Variants in SRD5A2 observed in about 807,000 individuals in gnomAD.
The protein encoded by SRD5A2 is 3-oxo-5-alpha-steroid 4-dehydrogenase 2.
Under a neutral mutation model 27.4 loss-of-function variants are expected in SRD5A2, and 30 were observed. The ratio of observed to expected loss-of-function variants is 1.10; its 90% confidence interval spans 0.82 to 1.49. The LOEUF is 1.49. Among genes scored for constraint, SRD5A2 ranks in the 40% most tolerant of loss-of-function variants. The pLI is 0.00. For synonymous variants in SRD5A2, 141 were observed against 133.6 expected, an observed-to-expected ratio of 1.06 and a Z score of -0.38; for missense variants, 348 against 323.4, an observed-to-expected ratio of 1.08 and a Z score of -0.58.
chr2:31,578,183 T>C (rs1666998242), intron 1 of SRD5A2, among the ~76,000 whole-genome samples: 1 of 152,092 alleles, frequency 6.6e-6, no homozygotes, highest in African/African-American at 2.4e-5. Flanking sequence ...TAATTATGAG[T>C]ATTTTCTACT....
chr2:31,647,080 G>T, the SRD5A2 span, among the ~76,000 whole-genome samples: 3 of 151,350 alleles, frequency 2.0e-5, no homozygotes, highest in African/African-American at 7.3e-5. Context: ...GAGAGGTGGA[G>T]GTTGCAGTGA....
At chr2:31,576,443 T>A (rs1001116947) in intron 1 of SRD5A2, among the ~76,000 whole-genome samples, 5 of 62,284 alleles carry the variant, frequency 8.0e-5, no homozygotes, top group African/African-American at 2.1e-4. Flanking sequence ...AAAACCACTA[T>A]GAGATATCAT....
chr2:31,566,463 GATC>G lies in SRD5A2; in HGVS notation c.281+14154_281+14156del, dbSNP rs771161107. ...CAATTTCTAAAGCTCTAGTCAAAAAGATCTGGAAAAAAAGTGGAAAATATAAAT... is the reference window on the plus strand; with the variant it reads ...CAATTTCTAAAGCTCTAGTCAAAAAGTGGAAAAAAAGTGGAAAATATAAAT... On this transcript the variant is annotated intron_variant, in intron 1 of 4. Transcript: ENST00000622030. Among the ~76,000 whole-genome samples the G allele has an allele frequency of 2.1e-3, 326 of 152,170 alleles. 2 individuals are homozygous for G. Among genetic ancestry groups the G allele is most frequent in the Middle Eastern group, 3.4e-3 (1 of 294 alleles).
chr2:31,551,535 C>A (rs1477296485), intron 1 of SRD5A2, among the ~76,000 whole-genome samples: 1 of 152,092 alleles, frequency 6.6e-6, no homozygotes, highest in Admixed American at 6.5e-5. Context: ...TAGCACAAAG[C>A]CTATTTTATA....
At chr2:31,536,758 A>G (rs1158484638) in intron 1 of SRD5A2, among the ~76,000 whole-genome samples, 1 of 152,190 alleles carries the variant, frequency 6.6e-6, no homozygotes, top group Non-Finnish European at 1.5e-5. Flanking sequence ...CTATTAGCCC[A>G]AGAGGCTGGC....
chr2:31,561,993 A>T (rs909587488), intron 1 of SRD5A2, among the ~76,000 whole-genome samples: 4 of 152,186 alleles, frequency 2.6e-5, no homozygotes, highest in African/African-American at 9.7e-5. Context: ...AAATCAAGAA[A>T]ATACAAATAT....
chr2:31,580,961 C>G, upstream of SRD5A2: 1 of 1,529,778 alleles, frequency 6.5e-7, no homozygotes, highest in East Asian at 2.3e-5. Flanking sequence ...CCCCCGCAAC[C>G]CCTTTATGGA....
At chr2:31,646,253 TA>T in the SRD5A2 span, among the ~76,000 whole-genome samples, 11 of 152,176 alleles carry the variant, frequency 7.2e-5, no homozygotes, top group Admixed American at 6.5e-5. Flanking sequence ...TTATTTACAT[TA>T]AAAAATCGCC....
At chr2:31,622,468 G>A in the SRD5A2 span, among the ~76,000 whole-genome samples, 6 of 152,196 alleles carry the variant, frequency 3.9e-5, no homozygotes, top group Admixed American at 6.6e-5. Context: ...CAGTTGGCAA[G>A]AGCTCAGGTG....
At chr2:31,608,843 C>T in the SRD5A2 span, among the ~76,000 whole-genome samples, 4 of 151,990 alleles carry the variant, frequency 2.6e-5, no homozygotes, top group Admixed American at 1.3e-4. Flanking sequence ...TCATACTGCC[C>T]GCTATGGACT....
At chr2:31,579,590 C>T (rs1156279908) in intron 1 of SRD5A2, among the ~76,000 whole-genome samples, 1 of 152,212 alleles carries the variant, frequency 6.6e-6, no homozygotes, top group East Asian at 1.9e-4. Context: ...TCTTAGCGGG[C>T]ACCAGCTGTA....
chr2:31,553,975 T>G (rs1005078069), intron 1 of SRD5A2, among the ~76,000 whole-genome samples: 8 of 152,120 alleles, frequency 5.3e-5, no homozygotes, highest in African/African-American at 1.9e-4. Context: ...TGAAGGCTAG[T>G]CAATTTCTAG....
the SRD5A2 span, among the ~76,000 whole-genome samples, chr2:31,597,702 T>G: frequency 6.6e-6 from 1 of 152,078 alleles, no homozygotes; most frequent in South Asian, 2.1e-4. Flanking sequence ...TATTAAAAAA[T>G]GCTCAACATC....
At chr2:31,640,395 T>C in the SRD5A2 span, among the ~76,000 whole-genome samples, 1 of 152,142 alleles carries the variant, frequency 6.6e-6, no homozygotes, top group Non-Finnish European at 1.5e-5. Context: ...TTGTTTGTTA[T>C]TGTTTCTTGT....
the SRD5A2 span, among the ~76,000 whole-genome samples, chr2:31,642,252 G>T: frequency 5.2e-4 from 79 of 152,074 alleles, no homozygotes; most frequent in Non-Finnish European, 3.1e-4. Context: ...ATTCAAAGTG[G>T]ATCATAAAGC....
chr2:31,634,943 C>T, the SRD5A2 span, among the ~76,000 whole-genome samples: 4 of 152,114 alleles, frequency 2.6e-5, no homozygotes, highest in Admixed American at 6.5e-5. Flanking sequence ...CATTGATGGA[C>T]ACTGCTTGAA....
chr2:31,624,368 A>T, the SRD5A2 span, among the ~76,000 whole-genome samples: 1 of 151,724 alleles, frequency 6.6e-6, no homozygotes, highest in South Asian at 2.1e-4. Flanking sequence ...ATTAATTATT[A>T]TTTTTTTAAT....
the SRD5A2 span, among the ~76,000 whole-genome samples, chr2:31,588,266 G>C: frequency 2.0e-5 from 3 of 152,012 alleles, no homozygotes; most frequent in Non-Finnish European, 4.4e-5. Context: ...AGTACAAGAA[G>C]GTTATAGAAC....
At chr2:31,566,758 C>G (rs1438952813) in intron 1 of SRD5A2, among the ~76,000 whole-genome samples, 1 of 152,168 alleles carries the variant, frequency 6.6e-6, no homozygotes, top group Non-Finnish European at 1.5e-5. Flanking sequence ...TGTCATATCT[C>G]TGCTGAGATT....
Sources: gnomAD v4.1 joint callset for allele counts (sites outside exome capture counted in the v4.1 genomes callset) on GRCh38, gnomAD v4.1.1 for gene constraint, MANE v1.5 for transcripts, NCBI Gene and HGNC (gene_info 2026-07-23, HGNC 2026-07-21) for gene names.